The following CASS4 variants were observed in gnomAD, a reference collection of about 807,000 sequenced individuals.
The protein encoded by CASS4 is cas scaffolding protein family member 4.
In CASS4, 22 loss-of-function variants were observed where a neutral mutation model predicts 54.2. The observed-to-expected ratio is 0.41, with a 90% CI of 0.29 to 0.58. The LOEUF (loss-of-function observed/expected upper bound fraction) is 0.58, where lower values mean the gene tolerates loss of function less well. Ranked by LOEUF, CASS4 falls within the 20% of genes least tolerant of loss-of-function variation. CASS4 has a pLI of 0.36. For synonymous variants in CASS4, 409 were observed against 391.5 expected (o/e 1.04, Z -0.53); for missense variants, 854 against 986.7 (o/e 0.87, Z 1.80).
At position 56,437,611 on chromosome 20, in the gene CASS4, C is replaced by G; in HGVS notation, c.459+25C>G. 1 of 1,515,156 alleles carries G rather than the reference C, an allele frequency of 6.6e-7. No individual in the cohort carries two copies. Among genetic ancestry groups the G allele is most frequent in the Non-Finnish European group, 8.8e-7 (1 of 1,130,796 alleles). 93.9% of individuals were successfully genotyped at this position (1,515,156 alleles called of 1,614,324 possible). On this transcript the variant is annotated intron_variant, in intron 2 of 5. Transcript: ENST00000679887. This position sits in a 1 kb window ranked among gnomAD's most constrained non-coding sequence, Gnocchi z 4.7. ...GGTACGCATACTTCCACCTACTAGA[C>G]ATGGGTTGAGGGGTATGGAAACACC...
At chr20:56,417,600 T>C (rs1011977275) in intron 1 of CASS4, among the ~76,000 whole-genome samples, 1 of 152,240 alleles carries the variant, frequency 6.6e-6, no homozygotes, top group Non-Finnish European at 1.5e-5. Context: ...GTGCTGCATC[T>C]CCGGTGCCTA....
intron 1 of CASS4, among the ~76,000 whole-genome samples, chr20:56,429,034 A>G (rs1440476258): frequency 6.6e-6 from 1 of 152,156 alleles, no homozygotes; most frequent in Non-Finnish European, 1.5e-5. Context: ...CATGTGGGCG[A>G]GTGCACGTGG....
At position 56,437,489 on chromosome 20, in the gene CASS4, A is replaced by T; in HGVS notation, c.362A>T (p.Glu121Val). 3 of 1,610,362 alleles carry T rather than the reference A, an allele frequency of 1.9e-6. No homozygotes were observed. Among genetic ancestry groups the T allele is most frequent in the Non-Finnish European group, 2.5e-6 (3 of 1,178,112 alleles). Residue 121 changes from glutamate (E) to valine (V), a missense_variant, in exon 2 of 6, where the codon GAG (glutamate) becomes GTG (valine). Physicochemically the swap from Glu to Val is moderately radical, Grantham distance 121. Transcript: ENST00000679887. The surrounding 1 kb of genome is among the most constrained non-coding windows in gnomAD (Gnocchi z 4.7). ...PVYEQMRSWA[E>V]GPQPPTAQVY... ...TATGAGCAGATGAGGAGTTGGGCGG[A>T]GGGGCCCCAGCCCCCTACTGCCCAA...
At chr20:56,436,876 G>C (rs976686330) in intron 1 of CASS4, among the ~76,000 whole-genome samples, 1 of 152,136 alleles carries the variant, frequency 6.6e-6, no homozygotes, top group African/African-American at 2.4e-5. Flanking sequence ...AACAGAGTGA[G>C]ACCCTGTCTC....
At chr20:56,445,539 A>G (rs774323796) in intron 2 of CASS4, among the ~76,000 whole-genome samples, 12 of 152,216 alleles carry the variant, frequency 7.9e-5, no homozygotes, top group African/African-American at 2.2e-4. Flanking sequence ...CCTAGAGAAC[A>G]TCGGAATCAC....
chr20:56,459,002 C>T lies in CASS4; in HGVS notation c.*255C>T, dbSNP rs1363685345. Reference sequence around the variant, plus strand: ...GCATATATGGAGTATGCAGTATCAGCTTGAAGTGACTTCGCAGAAATAATA... The same window carrying T: ...GCATATATGGAGTATGCAGTATCAGTTTGAAGTGACTTCGCAGAAATAATA... On this transcript the variant is annotated 3_prime_UTR_variant, in exon 6 of 6. Coordinates refer to ENST00000679887, the MANE Select transcript of CASS4 (RefSeq NM_020356.4). The T allele has an allele frequency of 1.4e-5, 6 of 439,366 alleles. No homozygotes were observed. The Admixed American group carries it at 1.9e-4, about 14-fold the overall frequency. The allele number at this position is 439,366 out of a possible 1,614,324, so 27.2% of individuals were successfully genotyped here.
At chr20:56,447,956 C>T (rs957453432) in intron 3 of CASS4, among the ~76,000 whole-genome samples, 11 of 152,094 alleles carry the variant, frequency 7.2e-5, no homozygotes, top group South Asian at 2.1e-4. Flanking sequence ...CCCTGGCTAA[C>T]GCGGTGAAAC....
rs1314067209 is a variant in CASS4 at position 56,451,933 on chromosome 20, G to A, written c.757G>A (p.Ala253Thr). The A allele has an allele frequency of 1.2e-6, 2 of 1,614,132 alleles. No homozygotes were observed. The highest frequency in any genetic ancestry group is 1.7e-6 in the Non-Finnish European group (2 of 1,180,028). The change falls in exon 5 of 6, where the codon GCC becomes ACC. Residue 253 changes from alanine to threonine, a missense_variant. Transcript: ENST00000679887. ...IYDTPVSPGK[A>T]SVRNTPLTSF... ...TGACACTCCAGTGTCTCCAGGAAAG[G>A]CCAGCGTCAGAAACACGCCTCTCAC...
At position 56,414,368 on chromosome 20, in the gene CASS4, A is replaced by G. The variant is rs901208151; in HGVS notation, c.36+1874A>G. On this transcript the variant is annotated intron_variant, in intron 1 of 5. Transcript: ENST00000679887. This position sits in a 1 kb window ranked among gnomAD's most constrained non-coding sequence, Gnocchi z 4.1. ...AAACAGCCTAGATTTTTTATGATTT[A>G]GACTTCTTTTTATGTACTGCTTATT... 6.6e-6 allele frequency among the ~76,000 whole-genome samples: 1 copy of G among 152,088 alleles called. No homozygotes were observed. Among genetic ancestry groups the G allele is most frequent in the African/African-American group, 2.4e-5 (1 of 41,408 alleles).
At chr20:56,450,803 G>A in intron 4 of CASS4, 124 bp downstream of exon 4, 1 of 804,920 alleles carries the variant, frequency 1.2e-6, no homozygotes, top group South Asian at 1.6e-5. Flanking sequence ...AGAGGCCGAG[G>A]TGAGTGCATC....
At chr20:56,428,588 C>A (rs192825049) in intron 1 of CASS4, among the ~76,000 whole-genome samples, 1 of 152,142 alleles carries the variant, frequency 6.6e-6, no homozygotes, top group African/African-American at 2.4e-5. Flanking sequence ...AAATGTCTTA[C>A]GCCTGGCCTG....
rs1284687254 is a variant in CASS4 at position 56,451,845 on chromosome 20, G to A, written c.669G>A (p.Val223=). The A allele has an allele frequency of 1.2e-6, 2 of 1,613,076 alleles. No homozygotes were observed. Among genetic ancestry groups the A allele is most frequent in the Non-Finnish European group, 1.7e-6 (2 of 1,179,140 alleles). ...GGCAGGGTGTTCCCCTGATATCAGT[G>A]ACTACCTTAAGAAGAGGCGGTTACA... is the stretch of plus-strand genomic sequence containing the variant. ...ASGQGVPLIS[V]TTLRRGGYST... Residue 223 remains valine (V), a synonymous_variant, in exon 5 of 6, where the codon GTG becomes GTA. Coordinates refer to ENST00000679887, the MANE Select transcript of CASS4 (RefSeq NM_020356.4).
rs748695905 is a variant in CASS4, at chr20:56,450,655, C to G, written c.618C>G (p.Leu206=). 1 of 1,614,122 alleles carries G rather than the reference C, an allele frequency of 6.2e-7. No homozygotes were observed. The highest frequency in any genetic ancestry group is 8.5e-7 in the Non-Finnish European group (1 of 1,179,996). ...DIPASPKKAG[L]HPPDSQASGQ... is the part of the protein sequence containing the mutation. ...CAGCCAGCCCCAAGAAGGCAGGACT[C>G]CATCCCCCAGACAGCCAAGCAAGTG... The change falls in exon 4 of 6, where the codon CTC becomes CTG. Residue 206 remains leucine (L), a synonymous_variant. Coordinates refer to ENST00000679887, the MANE Select transcript of CASS4 (RefSeq NM_020356.4).
chr20:56,452,372 CA>C lies in CASS4; in HGVS notation c.1197del (p.Gly400ValfsTer45). 6.2e-7 allele frequency: 1 copy of C among 1,613,980 alleles called. No individual in the cohort carries two copies. The highest frequency in any genetic ancestry group is 8.5e-7 in the Non-Finnish European group (1 of 1,180,022). Reference sequence around the variant, plus strand: ...CCATCTCCTGAACCGGACAGATTATCAGGTTCCAGTTCTGACAGCAGAGCTA... The same window carrying C: ...CCATCTCCTGAACCGGACAGATTATCGGTTCCAGTTCTGACAGCAGAGCTA... ...TSPSPEPDRLSGSSSDSRASI... is the reference protein window; with the variant it reads ...TSPSPEPDRLXGSSSDSRASI... On this transcript the variant is annotated frameshift_variant, in exon 5 of 6. Transcript: ENST00000679887. LOFTEE classifies it high-confidence loss of function.
chr20:56,412,606 C>A lies in CASS4; in HGVS notation c.36+112C>A. On this transcript the variant is annotated intron_variant, in intron 1 of 5. Coordinates refer to ENST00000679887, the MANE Select transcript of CASS4 (RefSeq NM_020356.4). This position sits in a 1 kb window ranked among gnomAD's most constrained non-coding sequence, Gnocchi z 4.2. The stretch of plus-strand genomic sequence containing the variant: ...TCTAATAAAGGTTGAATACCAGTGA[C>A]GTGTGAGTTGGAGATGGGAAAGTTT... The A allele has an allele frequency of 4.5e-6, 5 of 1,100,402 alleles. No homozygotes were observed. In the South Asian group the frequency reaches 5.6e-5, roughly 12 times the overall value. The allele number at this position is 1,100,402 out of a possible 1,614,324, so 68.2% of individuals were successfully genotyped here.
intron 5 of CASS4, among the ~76,000 whole-genome samples, chr20:56,455,651 C>G (rs531257470): frequency 1.5e-4 from 23 of 152,108 alleles, no homozygotes; most frequent in African/African-American, 5.6e-4. Context: ...CATGGCTGGC[C>G]GGGCATGGTG....
intron 1 of CASS4, among the ~76,000 whole-genome samples, chr20:56,432,595 T>A (rs1979962831): frequency 6.6e-6 from 1 of 152,144 alleles, no homozygotes; most frequent in Non-Finnish European, 1.5e-5. Flanking sequence ...CTGGAACTCC[T>A]GGCTTCAAGT....
chr20:56,421,161 C>G (rs1429655245), intron 1 of CASS4, among the ~76,000 whole-genome samples: 1 of 152,226 alleles, frequency 6.6e-6, no homozygotes, highest in Admixed American at 6.5e-5. Context: ...AGTGCCCTGA[C>G]TGCAGGCATG....
chr20:56,451,223 T>C (rs1980979427), intron 4 of CASS4, among the ~76,000 whole-genome samples: 1 of 152,138 alleles, frequency 6.6e-6, no homozygotes, highest in Non-Finnish European at 1.5e-5. Flanking sequence ...GAGATAATCC[T>C]GCAAAGGACC....
Sources: allele counts gnomAD v4.1 joint callset (sites outside exome capture counted in the v4.1 genomes callset), GRCh38; gene constraint gnomAD v4.1.1; non-coding constraint Gnocchi (gnomAD v3.1); transcripts MANE v1.5; gene names NCBI Gene and HGNC (gene_info 2026-07-23, HGNC 2026-07-21).